CPEB2: variants seen among roughly 807,000 people sequenced by gnomAD.
CPEB2 encodes cytoplasmic polyadenylation element-binding protein 2.
A neutral mutation model predicts 93.6 loss-of-function variants in CPEB2; 56 were observed. The ratio of observed to expected loss-of-function variants is 0.60; its 90% CI spans 0.48 to 0.75. CPEB2 has a LOEUF of 0.75. CPEB2 is among the 30% of genes least tolerant of loss of function. CPEB2 has a pLI of 0.00. For synonymous variants in CPEB2, 764 were observed against 586.3 expected (o/e 1.30, Z -4.38); for missense variants, 1,579 against 1,395.1 (o/e 1.13, Z -2.10).
At chr4:15,043,557 G>C (rs549637678) in intron 6 of CPEB2, among the ~76,000 whole-genome samples, 1 of 152,040 alleles carries the variant, frequency 6.6e-6, no homozygotes, top group Non-Finnish European at 1.5e-5. Context: ...ACTTGTCCAG[G>C]ATTGAAGTAG....
intron 4 of CPEB2, among the ~76,000 whole-genome samples, chr4:15,027,253 A>G (rs1456933052): frequency 6.6e-6 from 1 of 152,206 alleles, no homozygotes; most frequent in East Asian, 1.9e-4. Flanking sequence ...AAGTCTTAAA[A>G]TATGATTAGG....
rs1384178504 is a variant in CPEB2, at chr4:15,003,492, G to C, written c.819G>C (p.Arg273=). Residue 273 remains arginine (R), a synonymous_variant, in exon 1 of 12, where the codon CGG becomes CGC. Transcript: ENST00000538197. ...QLPPSPPAAP[R]RRHGGAGSPR... ...CTCCCTCGCCGCCTGCAGCCCCGCG[G>C]CGCCGCCACGGAGGCGCGGGCAGCC... 8.6e-6 allele frequency: 12 copies of C among 1,401,420 alleles called. No individual in the cohort carries two copies. Among genetic ancestry groups the C allele is most frequent in the Non-Finnish European group, 1.1e-5 (12 of 1,082,436 alleles). The allele number at this position is 1,401,420 out of a possible 1,614,324, so 86.8% of individuals were successfully genotyped here.
At chr4:15,037,863 T>C (rs1480685719) in intron 5 of CPEB2, among the ~76,000 whole-genome samples, 3 of 152,218 alleles carry the variant, frequency 2.0e-5, no homozygotes, top group Non-Finnish European at 2.9e-5. Context: ...TAAAAGTCTT[T>C]TTAAAAACAT....
chr4:15,059,053 A>T, intron 9 of CPEB2, 134 bp from the exon 10 acceptor site: 1 of 525,632 alleles, frequency 1.9e-6, no homozygotes, highest in Admixed American at 3.5e-5. Context: ...AAGTTATAAA[A>T]ATAATTTGTT....
Position 15,003,277 on chromosome 4 carries a change from C to G in CPEB2, c.604C>G (p.Leu202Val). 1 of 1,523,370 alleles carries G rather than the reference C, an allele frequency of 6.6e-7. No homozygotes were observed. The highest frequency in any genetic ancestry group is 2.6e-5 in the East Asian group (1 of 39,214). 94.4% of individuals were successfully genotyped at this position (1,523,370 alleles called of 1,614,324 possible). The part of the protein sequence containing the change: ...DSKPPPPPPP[L>V]HCPGRFSPPP... ...GAAGCCGCCGCCGCCGCCTCCGCCGCTCCACTGCCCCGGTCGGTTCAGCCC... is the reference window on the plus strand; with the variant it reads ...GAAGCCGCCGCCGCCGCCTCCGCCGGTCCACTGCCCCGGTCGGTTCAGCCC... The change falls in exon 1 of 12, where the codon CTC becomes GTC. Residue 202 changes from leucine to valine, a missense_variant. This residue lies in a region of CPEB2 where 1,411 missense variants were observed against 1,056.0 expected (regional missense o/e 1.34). Coordinates refer to ENST00000538197, the MANE Select transcript of CPEB2 (RefSeq NM_001177382.2).
intron 6 of CPEB2, among the ~76,000 whole-genome samples, chr4:15,048,533 T>A (rs890981808): frequency 6.6e-6 from 1 of 152,042 alleles, no homozygotes; most frequent in Non-Finnish European, 1.5e-5. Context: ...TTTAATCTTT[T>A]AATGTTTGTA....
rs147572702 is a variant in CPEB2, at chr4:15,031,592, G to A, written c.2126-1569G>A. 2.0e-5 allele frequency among the ~76,000 whole-genome samples: 3 copies of A among 152,214 alleles called. No individual in the cohort carries two copies. The East Asian group carries it at 5.8e-4, about 29-fold the overall frequency. On this transcript the variant is annotated intron_variant, in intron 4 of 11. Transcript: ENST00000538197. ...AGGTCATTTAGTTAACTCATGTCAT[G>A]CTGCATAAAATGCAGGAGTAAATAA... is the stretch of plus-strand genomic sequence containing the variant.
chr4:15,047,701 G>T, intron 6 of CPEB2, among the ~76,000 whole-genome samples: 1 of 151,850 alleles, frequency 6.6e-6, no homozygotes, highest in Non-Finnish European at 1.5e-5. Flanking sequence ...TTCTTTGCCA[G>T]TGTTCATGAC....
intron 4 of CPEB2, among the ~76,000 whole-genome samples, chr4:15,018,763 C>CTT (rs777435213): frequency 2.2e-5 from 3 of 133,800 alleles, no homozygotes; most frequent in African/African-American, 5.4e-5. Flanking sequence ...TTCTCCCAGT[C>CTT]TTTTTTTTTT....
At chr4:15,025,382 T>C (rs934878480) in intron 4 of CPEB2, among the ~76,000 whole-genome samples, 1 of 152,068 alleles carries the variant, frequency 6.6e-6, no homozygotes, top group Non-Finnish European at 1.5e-5. Context: ...TTGTTTGTGT[T>C]CTCTTTTTTT....
At chr4:15,064,657 C>T (rs1729522060) in intron 11 of CPEB2, among the ~76,000 whole-genome samples, 1 of 151,972 alleles carries the variant, frequency 6.6e-6, no homozygotes, top group African/African-American at 2.4e-5. Flanking sequence ...ATATTTATAG[C>T]ATTTCTACTT....
chr4:15,007,356 A>G lies in CPEB2; in HGVS notation c.1714A>G (p.Thr572Ala). The G allele has an allele frequency of 5.6e-6, 9 of 1,600,682 alleles. No homozygotes were observed. The highest frequency in any genetic ancestry group is 7.7e-6 in the Non-Finnish European group (9 of 1,171,528). Residue 572 changes from threonine (T) to alanine (A), a missense_variant, in exon 2 of 12, where the codon ACT becomes GCT. Physicochemically the swap from Thr to Ala is moderately conservative, Grantham distance 58 (BLOSUM62 0). Transcript: ENST00000538197. ...WSNHQSSGWGTGSMSWGAMHG... is the reference protein window; with the variant it reads ...WSNHQSSGWGAGSMSWGAMHG... ...CAACCATCAGAGCAGTGGCTGGGGC[A>G]CTGGAAGTATGTCCTGGGGAGCAAT...
chr4:15,040,811 G>T (rs770513794), intron 6 of CPEB2, among the ~76,000 whole-genome samples: 4 of 152,088 alleles, frequency 2.6e-5, no homozygotes, highest in African/African-American at 7.2e-5. Flanking sequence ...AGTGAAGTTA[G>T]CATGAAGTAT....
chr4:15,044,931 AACT>A (rs1250906470), intron 6 of CPEB2, among the ~76,000 whole-genome samples: 2 of 152,194 alleles, frequency 1.3e-5, no homozygotes, highest in African/African-American at 4.8e-5. Context: ...TCTTTATTAT[AACT>A]ACTATTTTGC....
chr4:15,014,148 C>T lies in CPEB2; in HGVS notation c.2035-3040C>T, dbSNP rs147864072. Among the ~76,000 whole-genome samples, 1,504 of 152,044 alleles carry T rather than the reference C, an allele frequency of 9.9e-3. 33 individuals carry two copies. Among genetic ancestry groups the T allele is most frequent in the African/African-American group, 0.035 (1,432 of 41,496 alleles). ...AGGTAGAGGGTACTTTCCCCTACACCTCCAGAAAAAGGAAGTTACTTGGGA... is the reference window on the plus strand; with the variant it reads ...AGGTAGAGGGTACTTTCCCCTACACTTCCAGAAAAAGGAAGTTACTTGGGA... On this transcript the variant is annotated intron_variant, in intron 3 of 11. Transcript: ENST00000538197.
At chr4:15,028,846 G>T (rs931707007) in intron 4 of CPEB2, among the ~76,000 whole-genome samples, 61 of 152,094 alleles carry the variant, frequency 4.0e-4, no homozygotes, top group African/African-American at 1.4e-3. Flanking sequence ...CCAGATATTT[G>T]TTCCAAATGT....
intron 7 of CPEB2, among the ~76,000 whole-genome samples, chr4:15,052,898 A>C (rs1728359779): frequency 6.6e-6 from 1 of 152,058 alleles, no homozygotes; most frequent in Admixed American, 6.5e-5. Flanking sequence ...TATAAAACTT[A>C]AAGCTTTTTG....
In CPEB2 at chr4:15,038,054, A is replaced by G. The variant is rs6842941; in HGVS notation, c.2177-2410A>G. On this transcript the variant is annotated intron_variant, in intron 5 of 11. Transcript: ENST00000538197. The stretch of plus-strand genomic sequence containing the variant: ...CATAACAGGGAATAGGAAATATTTC[A>G]CATGGTTTAGCTTCATCTGTAGTCA... Among the ~76,000 whole-genome samples, 1,015 of 152,314 alleles carry G rather than the reference A, an allele frequency of 6.7e-3. 12 individuals carry two copies. Among genetic ancestry groups the G allele is most frequent in the African/African-American group, 0.023 (955 of 41,572 alleles).
At chr4:15,007,937 T>C (rs1189235902) in intron 2 of CPEB2, among the ~76,000 whole-genome samples, 1 of 152,182 alleles carries the variant, frequency 6.6e-6, no homozygotes, top group Non-Finnish European at 1.5e-5. Flanking sequence ...GCTAAGCTAA[T>C]ATGTTCTGTA....
Sources: allele counts gnomAD v4.1 joint callset (sites outside exome capture counted in the v4.1 genomes callset), GRCh38; gene constraint gnomAD v4.1.1; regional missense constraint gnomAD v4.1.1; transcripts MANE v1.5; gene names NCBI Gene and HGNC (gene_info 2026-07-23, HGNC 2026-07-21).